Variants in KLHL13 observed in about 807,000 individuals in gnomAD.
KLHL13 encodes kelch-like protein 13.
Under a neutral mutation model 37.1 loss-of-function variants are expected in KLHL13, and 10 were observed. That is an observed-to-expected ratio of 0.27 (90% CI 0.17 to 0.46). The LOEUF (loss-of-function observed/expected upper bound fraction) is 0.46. KLHL13 is among the 20% of genes least tolerant of loss of function. The probability of loss-of-function intolerance (pLI) is 1.00; values close to 1 mark genes in which losing one functional copy is unlikely to be tolerated. For synonymous variants in KLHL13, 163 were observed against 181.2 expected (o/e 0.90, Z 0.81); for missense variants, 360 against 509.3 (o/e 0.71, Z 2.82).
At chrX:117,991,909 C>G (rs746817066) in intron 1 of KLHL13, among the ~76,000 whole-genome samples, 2 of 106,440 alleles carry the variant, frequency 1.9e-5, no homozygotes, top group Admixed American at 1.0e-4. Context: ...CCCTCACCCC[C>G]CTCCCACATT....
intron 1 of KLHL13, among the ~76,000 whole-genome samples, chrX:118,020,605 C>G (rs1358286377): frequency 9.0e-6 from 1 of 110,732 alleles, no homozygotes; most frequent in Non-Finnish European, 1.9e-5. Context: ...GGATCTAGAA[C>G]TAGAAATACC....
In KLHL13 at chrX:117,922,786, T is replaced by C. The variant is rs186207388; in HGVS notation, c.241-2416A>G. ...ATTAAATATGTGCTTGTATGTTTTT[T>C]GAAGTCAAAATACAGAAGGATATAA... On this transcript the variant is annotated intron_variant, in intron 2 of 6. Transcript: ENST00000262820. Among the ~76,000 whole-genome samples the C allele has an allele frequency of 4.5e-5, 5 of 112,064 alleles. No individual in the cohort carries two copies. The East Asian group carries it at 1.1e-3, about 25-fold the overall frequency.
At chrX:118,015,946 C>A (rs1190101457) in intron 1 of KLHL13, among the ~76,000 whole-genome samples, 1 of 111,099 alleles carries the variant, frequency 9.0e-6, no homozygotes, top group Non-Finnish European at 1.9e-5. Flanking sequence ...CATGATAAAA[C>A]CAGACCCTCA....
intron 1 of KLHL13, among the ~76,000 whole-genome samples, chrX:118,058,327 A>G (rs775171532): frequency 4.2e-4 from 46 of 110,233 alleles, no homozygotes; most frequent in Non-Finnish European, 1.1e-4. Flanking sequence ...TACACACACT[A>G]ATTAATTAAA....
intron 2 of KLHL13, among the ~76,000 whole-genome samples, chrX:117,939,992 T>G (rs776283998): frequency 8.9e-6 from 1 of 111,930 alleles, no homozygotes; most frequent in Non-Finnish European, 1.9e-5. Context: ...TTGCTTTTGG[T>G]GTGTTAGTCA....
chrX:117,914,511 G>A (rs1235428029), intron 4 of KLHL13, among the ~76,000 whole-genome samples: 1 of 111,348 alleles, frequency 9.0e-6, no homozygotes, highest in Admixed American at 9.6e-5. Flanking sequence ...ATGAAACCAT[G>A]TCCACAGAAT....
At chrX:117,910,621 T>C (rs1179444260) in intron 4 of KLHL13, among the ~76,000 whole-genome samples, 1 of 111,869 alleles carries the variant, frequency 8.9e-6, no homozygotes, top group African/African-American at 3.2e-5. Flanking sequence ...ATCATTCATT[T>C]TGGTTCCTTC....
At chrX:117,918,720 T>C (rs763765652) in intron 4 of KLHL13, among the ~76,000 whole-genome samples, 68 of 111,745 alleles carry the variant, frequency 6.1e-4, no homozygotes, top group Non-Finnish European at 1.1e-3. Context: ...CTATCTTATC[T>C]ATTAAAAAAT....
chrX:117,950,086 T>C (rs185454292), intron 1 of KLHL13, among the ~76,000 whole-genome samples: 373 of 112,830 alleles, frequency 3.3e-3, no homozygotes, highest in Middle Eastern at 0.018. Flanking sequence ...ATTTGTTTCA[T>C]AGTGCTTTAA....
chrX:118,099,887 G>A (rs1449825232), intron 1 of KLHL13, among the ~76,000 whole-genome samples: 1 of 100,673 alleles, frequency 9.9e-6, no homozygotes, highest in East Asian at 3.1e-4. Context: ...AGAAAGGAAG[G>A]AAGGAAAGAA....
intron 1 of KLHL13, among the ~76,000 whole-genome samples, chrX:117,952,920 G>C (rs1347336690): frequency 5.5e-5 from 6 of 110,083 alleles, no homozygotes; most frequent in African/African-American, 1.7e-4. Flanking sequence ...TGCTGGAGAG[G>C]ATGTGGAGAA....
intron 1 of KLHL13, among the ~76,000 whole-genome samples, chrX:118,104,503 C>G (rs2055325061): frequency 1.8e-5 from 2 of 111,959 alleles, no homozygotes; most frequent in South Asian, 7.4e-4. Flanking sequence ...CTATTTAGAA[C>G]TAAGATCAAT....
chrX:118,063,490 G>A (rs1419660964), intron 1 of KLHL13, among the ~76,000 whole-genome samples: 1 of 111,437 alleles, frequency 9.0e-6, no homozygotes, highest in Non-Finnish European at 1.9e-5. Context: ...CAATATCTGG[G>A]CCAGTAACTC....
At chrX:118,005,551 C>T (rs936738334) in intron 1 of KLHL13, among the ~76,000 whole-genome samples, 1 of 111,302 alleles carries the variant, frequency 9.0e-6, no homozygotes, top group African/African-American at 3.3e-5. Context: ...CTGGATTATT[C>T]AGTTGTGCTC....
At chrX:118,106,381 G>T (rs2148184780) in intron 1 of KLHL13, among the ~76,000 whole-genome samples, 1 of 111,128 alleles carries the variant, frequency 9.0e-6, no homozygotes, top group South Asian at 3.8e-4. Flanking sequence ...AAAATAAAGG[G>T]TATTATCTTT....
intron 1 of KLHL13, among the ~76,000 whole-genome samples, chrX:118,096,679 A>G (rs1569316341): frequency 8.9e-6 from 1 of 111,901 alleles, no homozygotes; most frequent in African/African-American, 3.2e-5. Context: ...AAAATCCTCA[A>G]TAAAATACTG....
intron 1 of KLHL13, among the ~76,000 whole-genome samples, chrX:118,019,367 A>C (rs1201963252): frequency 3.6e-5 from 4 of 110,343 alleles, no homozygotes; most frequent in Non-Finnish European, 1.9e-5. Flanking sequence ...AATTTGTTTG[A>C]GCTCATTGTA....
intron 1 of KLHL13, among the ~76,000 whole-genome samples, chrX:118,058,022 G>A (rs746134971): frequency 1.1e-4 from 12 of 111,230 alleles, no homozygotes; most frequent in Non-Finnish European, 2.1e-4. Context: ...ACTGGTACAC[G>A]TTTTCTAGGC....
chrX:118,032,932 T>C (rs1431264011), intron 1 of KLHL13, among the ~76,000 whole-genome samples: 1 of 111,466 alleles, frequency 9.0e-6, no homozygotes, highest in Non-Finnish European at 1.9e-5. Flanking sequence ...GCTTGAGAAC[T>C]ACGTGAAGAA....
Sources: allele counts gnomAD v4.1 joint callset (sites outside exome capture counted in the v4.1 genomes callset), GRCh38; gene constraint gnomAD v4.1.1; transcripts MANE v1.5; gene names NCBI Gene and HGNC (gene_info 2026-07-23, HGNC 2026-07-21).